The following AGBL4 variants were observed in gnomAD, a reference collection of about 807,000 sequenced individuals.
The protein encoded by AGBL4 is AGBL carboxypeptidase 4.
In AGBL4, 58 loss-of-function variants were observed where a neutral mutation model predicts 66.4. The observed-to-expected ratio is 0.87, with a 90% CI of 0.71 to 1.09. The LOEUF (loss-of-function observed/expected upper bound fraction) is 1.09, where lower values mean the gene tolerates loss of function less well. AGBL4 is among the 50% of genes least tolerant of loss of function. The pLI, the probability that AGBL4 is intolerant of heterozygous loss-of-function variation, is 0.00. For missense variants in AGBL4, 579 were observed against 631.0 expected (o/e 0.92, Z 0.88); for synonymous variants, 234 against 222.9 (o/e 1.05, Z -0.44).
chr1:49,972,404 T>G (rs1238121997), intron 1 of AGBL4, among the ~76,000 whole-genome samples: 1 of 152,152 alleles, frequency 6.6e-6, no homozygotes, highest in Non-Finnish European at 1.5e-5. Flanking sequence ...TCCCCACTAA[T>G]AAGTGAGAAC....
intron 7 of AGBL4, among the ~76,000 whole-genome samples, 181 bp from the exon 8 acceptor site, chr1:48,653,632 A>G (rs1323818634): frequency 6.6e-6 from 1 of 152,194 alleles, no homozygotes; most frequent in East Asian, 1.9e-4. Flanking sequence ...TTACAAATAC[A>G]TTTGTATTTC....
At chr1:49,380,453 C>A (rs1355776261) in intron 3 of AGBL4, among the ~76,000 whole-genome samples, 1 of 152,170 alleles carries the variant, frequency 6.6e-6, no homozygotes, top group Non-Finnish European at 1.5e-5. Flanking sequence ...CCATCCCCAT[C>A]AAGCTACCAA....
chr1:48,635,959 G>C (rs1353373577), intron 8 of AGBL4, among the ~76,000 whole-genome samples: 1 of 152,174 alleles, frequency 6.6e-6, no homozygotes, highest in Admixed American at 6.5e-5. Flanking sequence ...AACTAACATT[G>C]TAATAGTGTT....
intron 1 of AGBL4, among the ~76,000 whole-genome samples, chr1:49,948,205 A>AATATATAAAT (rs370093648): frequency 1.0e-4 from 10 of 100,002 alleles, no homozygotes; most frequent in East Asian, 9.0e-4. Flanking sequence ...TATAAATATA[A>AATATATAAAT]ATATATAAAT....
chr1:49,114,926 T>C (rs184426664), intron 4 of AGBL4, among the ~76,000 whole-genome samples: 1 of 152,142 alleles, frequency 6.6e-6, no homozygotes, highest in East Asian at 1.9e-4. Context: ...ATAATAATAA[T>C]GAAAAAGTTT....
chr1:49,864,963 A>G (rs1646665961), intron 1 of AGBL4, among the ~76,000 whole-genome samples: 1 of 152,190 alleles, frequency 6.6e-6, no homozygotes, highest in Non-Finnish European at 1.5e-5. Context: ...AATTCTCCAC[A>G]GCTCAGCACA....
chr1:48,909,433 G>A (rs1003047408), intron 5 of AGBL4, among the ~76,000 whole-genome samples: 2 of 152,176 alleles, frequency 1.3e-5, no homozygotes, highest in Admixed American at 1.3e-4. Context: ...ATTAGAGAGA[G>A]AGATGTTGGC....
At chr1:49,013,893 T>G (rs1264976959) in intron 5 of AGBL4, among the ~76,000 whole-genome samples, 1 of 152,196 alleles carries the variant, frequency 6.6e-6, no homozygotes, top group Non-Finnish European at 1.5e-5. Flanking sequence ...AGATTTAACT[T>G]AAGGTCTACA....
chr1:48,785,726 G>A (rs1460058768), intron 6 of AGBL4, among the ~76,000 whole-genome samples: 1 of 152,044 alleles, frequency 6.6e-6, no homozygotes, highest in South Asian at 2.1e-4. Flanking sequence ...TGGGCCTTCC[G>A]GGAAACAAGA....
intron 1 of AGBL4, among the ~76,000 whole-genome samples, chr1:49,941,775 C>A (rs1337395453): frequency 6.6e-6 from 1 of 151,970 alleles, no homozygotes; most frequent in East Asian, 1.9e-4. Flanking sequence ...ACAGCTAATA[C>A]CATACTCAAC....
chr1:48,743,010 A>C (rs570600316), intron 6 of AGBL4, among the ~76,000 whole-genome samples: 1 of 152,140 alleles, frequency 6.6e-6, no homozygotes, highest in East Asian at 1.9e-4. Context: ...AATGAAGAGC[A>C]CTCTTCCAGG....
intron 4 of AGBL4, among the ~76,000 whole-genome samples, chr1:49,104,224 G>A (rs1645253679): frequency 6.6e-6 from 1 of 152,108 alleles, no homozygotes; most frequent in Non-Finnish European, 1.5e-5. Flanking sequence ...AGAATTTAAT[G>A]TTCATTCCTT....
At chr1:48,817,398 C>G (rs1646206742) in intron 6 of AGBL4, 1 of 152,146 alleles carries the variant, frequency 6.6e-6, no homozygotes, top group South Asian at 2.1e-4. Context: ...ACATTTAGGG[C>G]CCAAGTGTGA....
chr1:49,971,917 T>G lies in AGBL4; in HGVS notation c.34+51846A>C, dbSNP rs1217107792. On this transcript the variant is annotated intron_variant, in intron 1 of 13. Transcript: ENST00000371839. ...GCAGGGTTTTTTTGGGTTTTTTTTT[T>G]TTTTTTTTTTTTTTTGCAGGGACGG... 6.0e-4 allele frequency among the ~76,000 whole-genome samples: 59 copies of G among 98,382 alleles called. 1 individual carries two copies. The highest frequency in any genetic ancestry group is 1.3e-3 in the South Asian group (3 of 2,258). 64.5% of individuals were successfully genotyped at this position (98,382 alleles called of 152,430 possible).
chr1:49,754,306 T>A (rs1651715802), intron 2 of AGBL4, among the ~76,000 whole-genome samples: 1 of 150,558 alleles, frequency 6.6e-6, no homozygotes, highest in African/African-American at 2.5e-5. Context: ...GTTTTTTTTT[T>A]ATTATTATAC....
intron 3 of AGBL4, among the ~76,000 whole-genome samples, chr1:49,298,600 G>A (rs1324928339): frequency 1.3e-5 from 2 of 152,022 alleles, no homozygotes; most frequent in Admixed American, 6.5e-5. Context: ...AGTGGCCCTG[G>A]ATCATTGAGG....
At chr1:49,638,635 C>A (rs1645723486) in intron 3 of AGBL4, among the ~76,000 whole-genome samples, 1 of 152,096 alleles carries the variant, frequency 6.6e-6, no homozygotes, top group South Asian at 2.1e-4. Flanking sequence ...ATAAGTCTTA[C>A]AAGATCTGAT....
At chr1:49,243,537 C>G (rs1000457175) in intron 4 of AGBL4, among the ~76,000 whole-genome samples, 1 of 151,780 alleles carries the variant, frequency 6.6e-6, no homozygotes, top group Non-Finnish European at 1.5e-5. Flanking sequence ...CAAAATTCAA[C>G]AGTAGCAAGG....
chr1:49,690,198 C>T (rs972889494), intron 3 of AGBL4, among the ~76,000 whole-genome samples: 4 of 152,128 alleles, frequency 2.6e-5, no homozygotes. Flanking sequence ...TGCTATTGCA[C>T]ATTTTATAAT....
Sources: allele counts gnomAD v4.1 joint callset (sites outside exome capture counted in the v4.1 genomes callset), GRCh38; gene constraint gnomAD v4.1.1; transcripts MANE v1.5; gene names NCBI Gene and HGNC (gene_info 2026-07-23, HGNC 2026-07-21).